CACNA2D3: variants seen among roughly 807,000 people sequenced by gnomAD.
CACNA2D3 encodes calcium voltage-gated channel auxiliary subunit alpha2delta 3.
Under a neutral mutation model 160.6 loss-of-function variants are expected in CACNA2D3, and 60 were observed. The ratio of observed to expected loss-of-function variants is 0.37; its 90% CI spans 0.30 to 0.46. CACNA2D3 has a LOEUF of 0.46. Ranked by LOEUF, CACNA2D3 falls within the 20% of genes least tolerant of loss-of-function variation. The probability of loss-of-function intolerance (pLI) is 1.00; values close to 1 mark genes in which losing one functional copy is unlikely to be tolerated. For synonymous variants in CACNA2D3, 558 were observed against 492.9 expected (o/e 1.13, Z -1.75); for missense variants, 1,205 against 1,365.0 (o/e 0.88, Z 1.85).
At chr3:54,879,302 T>C in intron 19 of CACNA2D3, 48 bp from the exon 20 acceptor site, 1 of 1,433,418 alleles carries the variant, frequency 7.0e-7, no homozygotes, top group Non-Finnish European at 9.7e-7. Context: ...CTTAGCAGAC[T>C]AACCATGTTT....
intron 27 of CACNA2D3, among the ~76,000 whole-genome samples, chr3:54,967,383 A>AT (rs568046283): frequency 5.3e-5 from 8 of 151,920 alleles, no homozygotes; most frequent in Non-Finnish European, 1.0e-4. Flanking sequence ...TATTTAAGTG[A>AT]TTTTTTTTCT....
chr3:54,584,137 T>A (rs1305967183), intron 9 of CACNA2D3, among the ~76,000 whole-genome samples: 1 of 151,706 alleles, frequency 6.6e-6, no homozygotes, highest in Non-Finnish European at 1.5e-5. Flanking sequence ...ATCCAGAGTC[T>A]CATAATATAA....
intron 4 of CACNA2D3, among the ~76,000 whole-genome samples, chr3:54,484,847 T>A (rs1481258971): frequency 8.5e-6 from 1 of 117,724 alleles, no homozygotes; most frequent in East Asian, 2.1e-4. Flanking sequence ...AGGTAGATAA[T>A]TTTTTTTTTT....
chr3:54,590,451 T>G (rs1054259191), intron 9 of CACNA2D3, among the ~76,000 whole-genome samples: 4 of 152,120 alleles, frequency 2.6e-5, no homozygotes, highest in African/African-American at 9.7e-5. Flanking sequence ...GTCATTGTGA[T>G]TATAAAAGGG....
chr3:54,673,388 A>G (rs1379892280), intron 11 of CACNA2D3, among the ~76,000 whole-genome samples: 1 of 152,224 alleles, frequency 6.6e-6, no homozygotes, highest in Non-Finnish European at 1.5e-5. Context: ...GAAAATTCCA[A>G]GAGGAGAATA....
At chr3:54,736,085 ATGTG>A (rs1275171843) in intron 11 of CACNA2D3, among the ~76,000 whole-genome samples, 5,381 of 31,578 alleles carry the variant, frequency 0.17, 1,131 homozygotes, top group Non-Finnish European at 0.26. Context: ...ATATATATGT[ATGTG>A]TATATATATA....
intron 13 of CACNA2D3, among the ~76,000 whole-genome samples, chr3:54,775,446 T>C (rs993911145): frequency 3.3e-5 from 5 of 152,168 alleles, no homozygotes; most frequent in Non-Finnish European, 7.3e-5. Flanking sequence ...CTTGGCCACA[T>C]CCCAGGGAGA....
In CACNA2D3 at chr3:54,573,581, G is replaced by A. The variant is rs186231182; in HGVS notation, c.888+3477G>A. ...GTTACTCAGAAGTGCTGCAGTGAGT[G>A]CAGTGCGTACAGTGCACTGAATGGA... is the stretch of plus-strand genomic sequence containing the variant. On this transcript the variant is annotated intron_variant, in intron 8 of 37. Coordinates refer to ENST00000474759, the MANE Select transcript of CACNA2D3 (RefSeq NM_018398.3). Among the ~76,000 whole-genome samples, 5 of 152,328 alleles carry A rather than the reference G, an allele frequency of 3.3e-5. No individual in the cohort carries two copies. In the East Asian group the frequency reaches 9.7e-4, roughly 29 times the overall value.
intron 13 of CACNA2D3, among the ~76,000 whole-genome samples, chr3:54,770,062 T>A (rs554461067): frequency 6.6e-6 from 1 of 152,292 alleles, no homozygotes; most frequent in East Asian, 1.9e-4. Flanking sequence ...CCCTTCACCC[T>A]TTGCCCATTT....
chr3:54,886,645 C>CAT (rs1168973189), intron 23 of CACNA2D3, among the ~76,000 whole-genome samples: 1 of 152,082 alleles, frequency 6.6e-6, no homozygotes, highest in African/African-American at 2.4e-5. Context: ...GCTATTCCTA[C>CAT]ATATGTAGGT....
At chr3:54,502,683 A>T (rs1356341054) in intron 4 of CACNA2D3, among the ~76,000 whole-genome samples, 2 of 152,288 alleles carry the variant, frequency 1.3e-5, no homozygotes, top group Non-Finnish European at 2.9e-5. Flanking sequence ...GGCTTTCCTT[A>T]TCAGCTGTGT....
intron 4 of CACNA2D3, among the ~76,000 whole-genome samples, chr3:54,412,189 G>A (rs567032389): frequency 6.6e-6 from 1 of 152,204 alleles, no homozygotes; most frequent in Non-Finnish European, 1.5e-5. Context: ...CTTTTCTGAT[G>A]TAAACATTGG....
intron 27 of CACNA2D3, among the ~76,000 whole-genome samples, chr3:54,946,924 A>G (rs1701630433): frequency 6.6e-6 from 1 of 152,188 alleles, no homozygotes; most frequent in Non-Finnish European, 1.5e-5. Flanking sequence ...CACTGTGTCA[A>G]TAAAAATAGT....
At chr3:54,624,334 C>G (rs1049813732) in intron 9 of CACNA2D3, among the ~76,000 whole-genome samples, 19 of 152,144 alleles carry the variant, frequency 1.2e-4, no homozygotes, top group African/African-American at 4.3e-4. Flanking sequence ...TAAAAAAATG[C>G]TCTGTAGGCT....
chr3:54,822,439 AGT>A lies in CACNA2D3; in HGVS notation c.1398+5574_1398+5575del, dbSNP rs556438181. Among the ~76,000 whole-genome samples the A allele has an allele frequency of 5.3e-5, 8 of 152,298 alleles. No individual in the cohort carries two copies. In the South Asian group the frequency reaches 1.7e-3, roughly 32 times the overall value. Reference sequence around the variant, plus strand: ...TTGTTCTCTGCCATAGTTCTGTATGAGTGTGTCTGTGGCAGCCCAGACAGGCT... The same window carrying A: ...TTGTTCTCTGCCATAGTTCTGTATGAGTGTCTGTGGCAGCCCAGACAGGCT... On this transcript the variant is annotated intron_variant, in intron 14 of 37. Transcript: ENST00000474759.
intron 2 of CACNA2D3, among the ~76,000 whole-genome samples, chr3:54,203,103 A>G (rs1017289630): frequency 4.6e-5 from 7 of 152,218 alleles, no homozygotes; most frequent in African/African-American, 1.7e-4. Flanking sequence ...TTATTTCTGC[A>G]TGTGTCTTTG....
intron 17 of CACNA2D3, among the ~76,000 whole-genome samples, chr3:54,864,646 G>A (rs1407565036): frequency 6.6e-6 from 1 of 152,160 alleles, no homozygotes; most frequent in Non-Finnish European, 1.5e-5. Context: ...GAGTCAGCTG[G>A]TAACAGAGAC....
chr3:54,193,853 A>G (rs956457173), intron 2 of CACNA2D3, among the ~76,000 whole-genome samples: 1 of 152,142 alleles, frequency 6.6e-6, no homozygotes, highest in Non-Finnish European at 1.5e-5. Flanking sequence ...TGGGCAAGTC[A>G]TTGCTTCTCT....
intron 5 of CACNA2D3, among the ~76,000 whole-genome samples, chr3:54,561,669 G>A (rs1476220116): frequency 6.6e-6 from 1 of 152,214 alleles, no homozygotes; most frequent in Non-Finnish European, 1.5e-5. Flanking sequence ...GCAAGGAGTT[G>A]TCTTTGGGCT....
Sources: allele counts gnomAD v4.1 joint callset (sites outside exome capture counted in the v4.1 genomes callset), GRCh38; gene constraint gnomAD v4.1.1; transcripts MANE v1.5; gene names NCBI Gene and HGNC (gene_info 2026-07-23, HGNC 2026-07-21).